USP9X: variants seen among roughly 807,000 people sequenced by gnomAD.
USP9X encodes ubiquitin specific peptidase 9 X-linked.
USP9X carries 7 observed loss-of-function variants against 190.3 expected under a neutral mutation model. The observed-to-expected ratio is 0.04, with a 90% CI of 0.02 to 0.07. USP9X has a LOEUF of 0.07. Ranked by LOEUF, USP9X falls within the 10% of genes least tolerant of loss-of-function variation. The probability of loss-of-function intolerance (pLI) is 1.00; values close to 1 mark genes in which losing one functional copy is unlikely to be tolerated. For missense variants in USP9X, 1,010 were observed against 1,916.9 expected (o/e 0.53, Z 8.83); for synonymous variants, 645 against 659.5 (o/e 0.98, Z 0.34).
chrX:41,145,041 C>T (rs926709945), intron 11 of USP9X, among the ~76,000 whole-genome samples: 1 of 111,781 alleles, frequency 8.9e-6, no homozygotes, highest in Admixed American at 9.5e-5. Context: ...ACTCCTCCTA[C>T]AGTCATATCT....
Position 41,166,164 on chromosome X carries a change from G to A in USP9X, c.2278G>A (p.Ala760Thr). ...AGGAAAACTAGTAGCAAAAAGGAGA[G>A]CCTATATGATGGATGACTTGGAGTT... ...REGKLVAKRR[A>T]YMMDDLELIG... The change falls in exon 16 of 45, where the codon GCC becomes ACC. Residue 760 changes from alanine (A) to threonine (T), a missense_variant. Physicochemically the swap from Ala to Thr is moderately conservative, Grantham distance 58. Around this residue, in one of 11 missense-constraint regions of USP9X, gnomAD observed 104 missense variants for 239.8 expected, o/e 0.43. Transcript: ENST00000378308. The A allele has an allele frequency of 8.3e-7, 1 of 1,208,043 alleles. No individual in the cohort carries two copies. Among genetic ancestry groups the A allele is most frequent in the Non-Finnish European group, 1.1e-6 (1 of 893,739 alleles).
At chrX:41,204,372 A>T (rs1413839140) in intron 31 of USP9X, among the ~76,000 whole-genome samples, 1 of 108,801 alleles carries the variant, frequency 9.2e-6, no homozygotes, top group Admixed American at 9.9e-5. Flanking sequence ...CATATCCAAG[A>T]AATCACTGCC....
At chrX:41,221,520 G>A (rs1201261692) in intron 38 of USP9X, among the ~76,000 whole-genome samples, 1 of 111,530 alleles carries the variant, frequency 9.0e-6, no homozygotes, top group East Asian at 2.8e-4. Context: ...GTGGGAATTG[G>A]TTAGTTGAGC....
At chrX:41,125,155 A>T (rs370034350) in intron 2 of USP9X, among the ~76,000 whole-genome samples, 45 of 110,839 alleles carry the variant, frequency 4.1e-4, no homozygotes, top group African/African-American at 1.4e-3. Context: ...GGCTCACTGC[A>T]ACCTCCACCT....
chrX:41,108,639 C>G (rs989575520), intron 1 of USP9X, among the ~76,000 whole-genome samples: 1 of 111,663 alleles, frequency 9.0e-6, no homozygotes, highest in African/African-American at 3.3e-5. Context: ...TCAAATAGTT[C>G]ACTTTAAGAC....
At chrX:41,214,752 G>A (rs1409931591) in intron 34 of USP9X, 43 bp downstream of exon 34, 1 of 1,145,807 alleles carries the variant, frequency 8.7e-7, no homozygotes, top group Non-Finnish European at 1.2e-6. Flanking sequence ...TACATTTAAT[G>A]GATTTAGAAG....
Position 41,218,438 on chromosome X carries a change from C to G in USP9X, c.6276C>G (p.Val2092=). ...KNVRFWFAHN[V]LFNVSNRFSE... is the part of the protein sequence containing the mutation. ...TACGTTTTTGGTTTGCTCATAACGT[C>G]CTTTTTAATGTTTCAAATCGCTTCT... The change falls in exon 37 of 45, where the codon GTC becomes GTG. Residue 2092 remains valine, a synonymous_variant. Coordinates refer to ENST00000378308, the MANE Select transcript of USP9X (RefSeq NM_001039591.3). 8.3e-7 allele frequency: 1 copy of G among 1,211,637 alleles called. No individual in the cohort carries two copies.
chrX:41,131,759 T>C (rs922092849), intron 4 of USP9X, among the ~76,000 whole-genome samples: 1 of 111,738 alleles, frequency 8.9e-6, no homozygotes, highest in African/African-American at 3.3e-5. Context: ...ATTCATTGTT[T>C]CGTCAGATTT....
chrX:41,177,688 G>C (rs754650992), intron 21 of USP9X, among the ~76,000 whole-genome samples: 1 of 112,184 alleles, frequency 8.9e-6, no homozygotes, highest in Non-Finnish European at 1.9e-5. Context: ...TTTTTACTAT[G>C]ATGGTTGCAA....
chrX:41,116,901 T>A (rs2062152129), intron 1 of USP9X, among the ~76,000 whole-genome samples: 1 of 111,849 alleles, frequency 8.9e-6, no homozygotes, highest in Non-Finnish European at 1.9e-5. Flanking sequence ...GAATGAGTTA[T>A]GTTTGAATCC....
At chrX:41,228,252 A>T (rs1004758749) in intron 41 of USP9X, among the ~76,000 whole-genome samples, 1 of 111,776 alleles carries the variant, frequency 8.9e-6, no homozygotes, top group Non-Finnish European at 1.9e-5. Flanking sequence ...TGTTTTATGG[A>T]TATATATACA....
intron 31 of USP9X, 178 bp from the exon 32 acceptor site, chrX:41,205,125 A>C: frequency 2.6e-6 from 1 of 385,675 alleles, no homozygotes; most frequent in South Asian, 5.9e-5. Context: ...TTTGGTTATG[A>C]TAACTAATAT....
chrX:41,225,246 GTT>G, intron 41 of USP9X, 109 bp downstream of exon 41: 1 of 662,995 alleles, frequency 1.5e-6, no homozygotes, highest in Non-Finnish European at 2.3e-6. Flanking sequence ...TCTAGTGAAT[GTT>G]TTATCTTAAA....
intron 12 of USP9X, among the ~76,000 whole-genome samples, chrX:41,149,576 A>T (rs755840381): frequency 6.3e-5 from 7 of 110,515 alleles, no homozygotes; most frequent in Non-Finnish European, 1.3e-4. Context: ...AAAAATGTAC[A>T]CACTATTAAA....
intron 6 of USP9X, among the ~76,000 whole-genome samples, chrX:41,139,866 T>G (rs777223964): frequency 8.9e-6 from 1 of 111,960 alleles, no homozygotes; most frequent in South Asian, 3.7e-4. Context: ...ATGGCCTAAA[T>G]TTTAGAAGGT....
At chrX:41,089,955 T>C (rs2061943667) in intron 1 of USP9X, among the ~76,000 whole-genome samples, 1 of 87,016 alleles carries the variant, frequency 1.1e-5, no homozygotes, top group African/African-American at 4.4e-5. Flanking sequence ...ACTCTGTCAC[T>C]GAGGCTGGAG....
intron 31 of USP9X, among the ~76,000 whole-genome samples, chrX:41,203,848 C>A (rs548865887): frequency 6.3e-5 from 7 of 111,017 alleles, no homozygotes; most frequent in African/African-American, 1.6e-4. Context: ...CAGGCACGCA[C>A]CACCATACCC....
Position 41,142,566 on chromosome X carries a change from G to A in USP9X, c.1162-725G>A, listed in dbSNP as rs5917411. On this transcript the variant is annotated intron_variant, in intron 9 of 44. Transcript: ENST00000378308. ...TAAAAACTGGCTCATTATCAGCTGAGACATGTACTTCTCTAGCACATTTTG... is the reference window on the plus strand; with the variant it reads ...TAAAAACTGGCTCATTATCAGCTGAAACATGTACTTCTCTAGCACATTTTG... Among the ~76,000 whole-genome samples the A allele has an allele frequency of 9.8e-3, 1,098 of 111,984 alleles. 10 individuals are homozygous for A. The highest frequency in any genetic ancestry group is 0.017 in the Non-Finnish European group (898 of 53,216).
Position 41,166,044 on chromosome X carries a change from T to C in USP9X, c.2158T>C (p.Phe720Leu). The change falls in exon 16 of 45, where the codon TTT (phenylalanine) becomes CTT (leucine). Residue 720 changes from phenylalanine to leucine, a missense_variant. Around this residue, in one of 11 missense-constraint regions of USP9X, gnomAD observed 104 missense variants for 239.8 expected, o/e 0.43. Coordinates refer to ENST00000378308, the MANE Select transcript of USP9X (RefSeq NM_001039591.3). ...AGATCCTGATATTAATAAGGACTTCTTTGAAAGTAATGTGCTTCAGCTTGA... is the reference window on the plus strand; with the variant it reads ...AGATCCTGATATTAATAAGGACTTCCTTGAAAGTAATGTGCTTCAGCTTGA... ...DLDPDINKDF[F>L]ESNVLQLDPS... 1 of 1,211,742 alleles carries C rather than the reference T, an allele frequency of 8.3e-7. No homozygotes were observed.
Sources: gnomAD v4.1 joint callset for allele counts (sites outside exome capture counted in the v4.1 genomes callset) on GRCh38, gnomAD v4.1.1 for gene constraint, gnomAD v4.1.1 regional missense constraint, MANE v1.5 for transcripts, NCBI Gene and HGNC (gene_info 2026-07-23, HGNC 2026-07-21) for gene names.